The following PRKN variants were observed in gnomAD, a reference collection of about 807,000 sequenced individuals.
PRKN encodes the protein parkin RBR E3 ubiquitin protein ligase, also known as E3 ubiquitin-protein ligase parkin.
Under a neutral mutation model 59.5 loss-of-function variants are expected in PRKN, and 56 were observed. The ratio of observed to expected loss-of-function variants is 0.94; its 90% CI spans 0.76 to 1.18. The LOEUF (loss-of-function observed/expected upper bound fraction) is 1.18. Ranked by LOEUF, PRKN falls within the 50% of genes most tolerant of loss-of-function variation. The pLI, the probability that PRKN is intolerant of heterozygous loss-of-function variation, is 0.00. For missense variants in PRKN, 657 were observed against 596.4 expected (o/e 1.10, Z -1.06); for synonymous variants, 250 against 222.1 (o/e 1.13, Z -1.12).
chr6:162,294,186 C>T (rs549831790), intron 2 of PRKN, among the ~76,000 whole-genome samples: 2 of 152,176 alleles, frequency 1.3e-5, no homozygotes, highest in South Asian at 2.1e-4. Context: ...CATGAAAGCC[C>T]CCGGTGCTGA....
intron 1 of PRKN, among the ~76,000 whole-genome samples, chr6:162,533,027 G>A (rs944749417): frequency 1.3e-5 from 2 of 152,168 alleles, no homozygotes; most frequent in African/African-American, 4.8e-5. Context: ...GGTGCTTATC[G>A]GCTGTACTGA....
chr6:162,139,716 A>G (rs1207562589), intron 4 of PRKN, among the ~76,000 whole-genome samples: 1 of 152,184 alleles, frequency 6.6e-6, no homozygotes, highest in African/African-American at 2.4e-5. Flanking sequence ...GCCTCAGAGG[A>G]CATGAGTAAA....
rs1208208399 is a variant in PRKN at position 161,442,730 on chromosome 6, A to G, written c.1084-55853T>C. On this transcript the variant is annotated intron_variant, in intron 9 of 11. Transcript: ENST00000366898. This position sits in a 1 kb window ranked among gnomAD's most constrained non-coding sequence, Gnocchi z 4.6. ...CACCAACACCCATGAATGCTTTTCAACGAAGTTGCTAGAATGCAGCCGTGG... is the reference window on the plus strand; with the variant it reads ...CACCAACACCCATGAATGCTTTTCAGCGAAGTTGCTAGAATGCAGCCGTGG... Among the ~76,000 whole-genome samples the G allele has an allele frequency of 2.0e-5, 3 of 152,238 alleles. No homozygotes were observed. Among genetic ancestry groups the G allele is most frequent in the East Asian group, 1.9e-4 (1 of 5,188 alleles).
At chr6:161,559,799 G>A (rs1319421078) in intron 8 of PRKN, among the ~76,000 whole-genome samples, 1 of 152,142 alleles carries the variant, frequency 6.6e-6, no homozygotes, top group African/African-American at 2.4e-5. Context: ...AGCATTTAAT[G>A]ATCTAATTAG....
chr6:161,378,357 C>T lies in PRKN; in HGVS notation c.1167+8437G>A, dbSNP rs71567607. 0.078 allele frequency among the ~76,000 whole-genome samples: 11,884 copies of T among 152,190 alleles called. 579 individuals carry two copies. Among genetic ancestry groups the T allele is most frequent in the Non-Finnish European group, 0.1 (6,970 of 68,006 alleles). ...TGAAGCCCTGCCAGGCCCCCCAGCT[C>T]GGGCATCCCCCCATCTGCCACACCG... On this transcript the variant is annotated intron_variant, in intron 10 of 11. Transcript: ENST00000366898. This position sits in a 1 kb window ranked among gnomAD's most constrained non-coding sequence, Gnocchi z 7.3.
chr6:161,977,288 T>C (rs1417380969), intron 5 of PRKN, among the ~76,000 whole-genome samples: 6 of 152,126 alleles, frequency 3.9e-5, no homozygotes, highest in Non-Finnish European at 7.4e-5. Context: ...ATGAGCATCA[T>C]ATTACACCAG....
chr6:161,952,268 A>G (rs1278754844), intron 6 of PRKN, among the ~76,000 whole-genome samples: 1 of 152,152 alleles, frequency 6.6e-6, no homozygotes, highest in Non-Finnish European at 1.5e-5. Flanking sequence ...AAATGTTGTG[A>G]AAAAGATGGT....
At chr6:162,403,333 T>A (rs910822560) in intron 2 of PRKN, among the ~76,000 whole-genome samples, 1 of 152,096 alleles carries the variant, frequency 6.6e-6, no homozygotes, top group Non-Finnish European at 1.5e-5. Context: ...TGCAGCCCTG[T>A]GCCTCACTCC....
At chr6:161,509,725 C>G (rs890242874) in intron 9 of PRKN, among the ~76,000 whole-genome samples, 1 of 151,532 alleles carries the variant, frequency 6.6e-6, no homozygotes, top group Non-Finnish European at 1.5e-5. Context: ...ACTAAAAATA[C>G]AAAAATTAGC....
intron 7 of PRKN, among the ~76,000 whole-genome samples, chr6:161,632,588 T>C (rs893834943): frequency 2.2e-4 from 33 of 152,254 alleles, no homozygotes; most frequent in African/African-American, 7.5e-4. Flanking sequence ...TGTTTCTAAA[T>C]ATTCTATAAA....
At chr6:162,170,049 T>A (rs1783199154) in intron 4 of PRKN, among the ~76,000 whole-genome samples, 1 of 152,156 alleles carries the variant, frequency 6.6e-6, no homozygotes, top group Admixed American at 6.5e-5. Context: ...CTATACATTT[T>A]CGTGTGAGCT....
rs1781076830 is a variant in PRKN at position 161,575,050 on chromosome 6, C to T, written c.872-5634G>A. ...GCCGTGCTCACAAGTTTGTGCTCTT[C>T]TGTCGTGTTTTTCCTCTAGTTATTA... On this transcript the variant is annotated intron_variant, in intron 7 of 11. Transcript: ENST00000366898. The surrounding 1 kb of genome is among the most constrained non-coding windows in gnomAD (Gnocchi z 4.6). 6.6e-6 allele frequency among the ~76,000 whole-genome samples: 1 copy of T among 152,184 alleles called. No individual in the cohort carries two copies. Among genetic ancestry groups the T allele is most frequent in the South Asian group, 2.1e-4 (1 of 4,826 alleles).
At chr6:162,537,687 C>T (rs537517562) in intron 1 of PRKN, among the ~76,000 whole-genome samples, 258 of 152,234 alleles carry the variant, frequency 1.7e-3, no homozygotes, top group African/African-American at 6.0e-3. Flanking sequence ...TAGATGACTC[C>T]TGCAATCTTG....
At chr6:161,350,329 TAC>T in intron 11 of PRKN, 118 bp from the exon 12 acceptor site, 1 of 713,080 alleles carries the variant, frequency 1.4e-6, no homozygotes, top group South Asian at 1.6e-5. Flanking sequence ...TCACAAGCAA[TAC>T]AAGGGCAGAG....
chr6:161,880,427 G>C (rs1245945761), intron 6 of PRKN, among the ~76,000 whole-genome samples: 1 of 152,180 alleles, frequency 6.6e-6, no homozygotes, highest in Non-Finnish European at 1.5e-5. Context: ...GGAAATGTAA[G>C]TATATGGGTA....
chr6:162,678,329 T>C (rs1274522926), intron 1 of PRKN, among the ~76,000 whole-genome samples: 1 of 152,224 alleles, frequency 6.6e-6, no homozygotes, highest in Non-Finnish European at 1.5e-5. Flanking sequence ...AAAAGTAGAA[T>C]GGCTATGTCA....
chr6:162,227,080 A>G (rs1248962060), intron 3 of PRKN, among the ~76,000 whole-genome samples: 1 of 152,206 alleles, frequency 6.6e-6, no homozygotes, highest in Non-Finnish European at 1.5e-5. Context: ...ATGGATAACC[A>G]GTGTATATAT....
Position 161,467,379 on chromosome 6 carries a change from G to A in PRKN, c.1084-80502C>T, listed in dbSNP as rs6903203. 0.22 allele frequency among the ~76,000 whole-genome samples: 33,008 copies of A among 152,080 alleles called. 5,730 individuals are homozygous for A. Among genetic ancestry groups the A allele is most frequent in the African/African-American group, 0.49 (20,304 of 41,446 alleles). On this transcript the variant is annotated intron_variant, in intron 9 of 11. Coordinates refer to ENST00000366898, the MANE Select transcript of PRKN (RefSeq NM_004562.3). The surrounding 1 kb of genome is among the most constrained non-coding windows in gnomAD (Gnocchi z 4.3). The stretch of plus-strand genomic sequence containing the variant: ...GATTCTAGCCCTATGGAGTATATAC[G>A]TTATTAACTGATAAGTTCAGTCCAG...
intron 4 of PRKN, among the ~76,000 whole-genome samples, chr6:162,134,315 C>T (rs144067664): frequency 0.013 from 2,021 of 152,258 alleles, 55 homozygotes; most frequent in African/African-American, 0.046. Context: ...AGCAAGATAG[C>T]ACCAGACTTT....
Sources: gnomAD v4.1 joint callset for allele counts (sites outside exome capture counted in the v4.1 genomes callset) on GRCh38, gnomAD v4.1.1 for gene constraint, Gnocchi (gnomAD v3.1) non-coding constraint, MANE v1.5 for transcripts, NCBI Gene and HGNC (gene_info 2026-07-23, HGNC 2026-07-21) for gene names.